The following SLIT2 variants were observed in gnomAD, a reference collection of about 807,000 sequenced individuals.
The protein encoded by SLIT2 is slit homolog 2 protein.
In SLIT2, 41 loss-of-function variants were observed where a neutral mutation model predicts 185.7. The observed-to-expected ratio is 0.22, with a 90% CI of 0.17 to 0.29. The LOEUF (loss-of-function observed/expected upper bound fraction) is 0.29. SLIT2 is among the 10% of genes least tolerant of loss of function. The probability of loss-of-function intolerance (pLI) is 1.00; values close to 1 mark genes in which losing one functional copy is unlikely to be tolerated. For synonymous variants in SLIT2, 693 were observed against 680.2 expected (o/e 1.02, Z -0.29); for missense variants, 1,571 against 1,909.0 (o/e 0.82, Z 3.30).
Position 20,389,673 on chromosome 4 carries a change from A to G in SLIT2, c.396-78079A>G, listed in dbSNP as rs530181947. ...GAAGCTTTAGCAACCAGAGGTGAGC[A>G]TAAGACTTATCTGCAGCCAATTACA... On this transcript the variant is annotated intron_variant, in intron 4 of 36. Transcript: ENST00000504154. Among the ~76,000 whole-genome samples the G allele has an allele frequency of 3.3e-5, 5 of 152,254 alleles. No individual in the cohort carries two copies. The East Asian group carries it at 7.7e-4, about 24-fold the overall frequency.
intron 12 of SLIT2, among the ~76,000 whole-genome samples, chr4:20,521,264 C>T (rs1720817090): frequency 1.3e-5 from 2 of 152,190 alleles, no homozygotes; most frequent in Admixed American, 6.5e-5. Context: ...TTCATTTCTA[C>T]ACTAAGGCTC....
chr4:20,255,010 G>T (rs1232962579), intron 1 of SLIT2: 3 of 456,316 alleles, frequency 6.6e-6, no homozygotes, highest in Non-Finnish European at 1.3e-5. Context: ...CAGCGAAGTG[G>T]AGCATGGAGG....
rs537963920 is a variant in SLIT2, at chr4:20,521,952, A to G, written c.1131-1808A>G. On this transcript the variant is annotated intron_variant, in intron 12 of 36. Coordinates refer to ENST00000504154, the MANE Select transcript of SLIT2 (RefSeq NM_004787.4). ...TTTTGAGCTGTTACAAATTTGTTAAAAGTTCTAAGTATCAAAGCACTGAAC... is the reference window on the plus strand; with the variant it reads ...TTTTGAGCTGTTACAAATTTGTTAAGAGTTCTAAGTATCAAAGCACTGAAC... Among the ~76,000 whole-genome samples the G allele has an allele frequency of 2.6e-5, 4 of 152,304 alleles. No individual in the cohort carries two copies. In the East Asian group the frequency reaches 7.7e-4, roughly 29 times the overall value.
At chr4:20,438,593 A>G (rs780229515) in intron 4 of SLIT2, among the ~76,000 whole-genome samples, 16 of 152,108 alleles carry the variant, frequency 1.1e-4, no homozygotes, top group Non-Finnish European at 1.5e-4. Flanking sequence ...GAGCCAAACC[A>G]TATCAGCCTT....
intron 4 of SLIT2, among the ~76,000 whole-genome samples, chr4:20,453,872 G>T (rs948129762): frequency 6.6e-6 from 1 of 152,188 alleles, no homozygotes; most frequent in Non-Finnish European, 1.5e-5. Flanking sequence ...CACATGAAGA[G>T]GTATAGGTAC....
chr4:20,427,710 A>G (rs1728664019), intron 4 of SLIT2, among the ~76,000 whole-genome samples: 1 of 149,252 alleles, frequency 6.7e-6, no homozygotes, highest in East Asian at 2.0e-4. Context: ...ACAATGGCTG[A>G]TAATCACTAC....
intron 4 of SLIT2, among the ~76,000 whole-genome samples, chr4:20,351,627 G>A (rs1015107152): frequency 1.3e-5 from 2 of 152,060 alleles, no homozygotes; most frequent in African/African-American, 4.8e-5. Flanking sequence ...TGACCATCCC[G>A]GGCACAAGAT....
At position 20,480,898 on chromosome 4, in the gene SLIT2, A is replaced by G. The variant is rs181631908; in HGVS notation, c.539+111A>G. 1.7e-3 allele frequency: 1,358 copies of G among 779,966 alleles called. 3 individuals carry two copies. The highest frequency in any genetic ancestry group is 2.2e-3 in the Non-Finnish European group (987 of 451,130). The allele number at this position is 779,966 out of a possible 1,614,324, so 48.3% of individuals were successfully genotyped here. On this transcript the variant is annotated intron_variant, in intron 6 of 36. Coordinates refer to ENST00000504154, the MANE Select transcript of SLIT2 (RefSeq NM_004787.4). Reference sequence around the variant, plus strand: ...ACCTTGTTGTCAAAATAGTCTCTCAAGAGATACCTTAAATAACTCATGGTG... The same window carrying G: ...ACCTTGTTGTCAAAATAGTCTCTCAGGAGATACCTTAAATAACTCATGGTG...
In SLIT2 at chr4:20,253,758, G is replaced by A. The variant is rs1722221299; in HGVS notation, c.-58G>A. 1 of 1,577,822 alleles carries A rather than the reference G, an allele frequency of 6.3e-7. No homozygotes were observed. Among genetic ancestry groups the A allele is most frequent in the Non-Finnish European group, 8.6e-7 (1 of 1,167,932 alleles). On this transcript the variant is annotated 5_prime_UTR_variant, in exon 1 of 37. Coordinates refer to ENST00000504154, the MANE Select transcript of SLIT2 (RefSeq NM_004787.4). Reference sequence around the variant, plus strand: ...GCCTCAGACACTGCGCGGTTCCCTCGGAGCAGCAAGCTAAAGAAAGCCCCC... The same window carrying A: ...GCCTCAGACACTGCGCGGTTCCCTCAGAGCAGCAAGCTAAAGAAAGCCCCC...
chr4:20,616,485 A>G (rs1209367949), intron 34 of SLIT2: 1 of 156,086 alleles, frequency 6.4e-6, no homozygotes, highest in African/African-American at 2.4e-5. Flanking sequence ...GAGCACCATA[A>G]ACTGAGCTTT....
rs116727883 is a variant in SLIT2, at chr4:20,252,110, G to T, written c.-1706G>T. On this transcript the variant is annotated 5_prime_UTR_variant, in exon 1 of 37. Coordinates refer to ENST00000504154, the MANE Select transcript of SLIT2 (RefSeq NM_004787.4). ...TTTCTGGGCACGGCGGGAGTGCTGA[G>T]CAGAAAGGGGAGCGCCGGGGGCCCG... Among the ~76,000 whole-genome samples, 8,020 of 152,124 alleles carry T rather than the reference G, an allele frequency of 0.053. 372 individuals are homozygous for T. Among genetic ancestry groups the T allele is most frequent in the African/African-American group, 0.13 (5,304 of 41,504 alleles).
chr4:20,569,130 G>C (rs548223267), intron 29 of SLIT2, 126 bp downstream of exon 29: 291 of 800,770 alleles, frequency 3.6e-4, no homozygotes, highest in Non-Finnish European at 3.1e-5. Context: ...TTGAAAATCA[G>C]ATGTAATGTA....
intron 11 of SLIT2, among the ~76,000 whole-genome samples, chr4:20,518,557 G>GTGTGTGTATA (rs1271279922): frequency 5.6e-5 from 1 of 17,848 alleles, no homozygotes. Flanking sequence ...CAGCCTATAT[G>GTGTGTGTATA]TATATATATA....
chr4:20,388,784 A>C (rs1725137533), intron 4 of SLIT2, among the ~76,000 whole-genome samples: 1 of 133,700 alleles, frequency 7.5e-6, no homozygotes, highest in Non-Finnish European at 1.6e-5. Flanking sequence ...AGGGGAAAAA[A>C]AAAAAAAAAT....
rs965497933 is a variant in SLIT2 at position 20,526,403 on chromosome 4, A to G, written c.1462+1231A>G. 5.3e-5 allele frequency among the ~76,000 whole-genome samples: 8 copies of G among 152,102 alleles called. No individual in the cohort carries two copies. The East Asian group carries it at 7.7e-4, about 15-fold the overall frequency. ...TGTTTAATATTAATTACTTTACCCAATTAAGTGGAAAGTAATCTGATAGCT... is the reference window on the plus strand; with the variant it reads ...TGTTTAATATTAATTACTTTACCCAGTTAAGTGGAAAGTAATCTGATAGCT... On this transcript the variant is annotated intron_variant, in intron 15 of 36. Transcript: ENST00000504154.
At chr4:20,280,759 C>A (rs984573993) in intron 4 of SLIT2, among the ~76,000 whole-genome samples, 2 of 151,070 alleles carry the variant, frequency 1.3e-5, no homozygotes, top group African/African-American at 4.9e-5. Context: ...AGATTATTCT[C>A]TCTATTATTA....
chr4:20,548,397 A>G (rs763625207), intron 22 of SLIT2, 91 bp from the exon 23 acceptor site: 5 of 692,718 alleles, frequency 7.2e-6, no homozygotes, highest in African/African-American at 3.6e-5. Context: ...CAATACTGCT[A>G]TGACTATAAG....
intron 18 of SLIT2, among the ~76,000 whole-genome samples, chr4:20,534,615 A>C (rs1475163274): frequency 1.3e-5 from 2 of 152,180 alleles, no homozygotes; most frequent in African/African-American, 4.8e-5. Context: ...GAAGGCAGAA[A>C]GGAAAATATT....
At chr4:20,584,493 A>G (rs2148940043) in intron 29 of SLIT2, among the ~76,000 whole-genome samples, 1 of 152,378 alleles carries the variant, frequency 6.6e-6, no homozygotes, top group Non-Finnish European at 1.5e-5. Context: ...ACGTTGGGAC[A>G]ACGGGTATAA....
Sources: allele counts gnomAD v4.1 joint callset (sites outside exome capture counted in the v4.1 genomes callset), GRCh38; gene constraint gnomAD v4.1.1; transcripts MANE v1.5; gene names NCBI Gene and HGNC (gene_info 2026-07-23, HGNC 2026-07-21).